PKHD1L1: variants seen among roughly 807,000 people sequenced by gnomAD.
PKHD1L1 encodes fibrocystin-L.
In PKHD1L1, 434 loss-of-function variants were observed where a neutral mutation model predicts 462.9. That is an observed-to-expected ratio of 0.94 (90% CI 0.87 to 1.02). The LOEUF (loss-of-function observed/expected upper bound fraction) is 1.02. PKHD1L1 is among the 50% of genes least tolerant of loss of function. The pLI, the probability that PKHD1L1 is intolerant of heterozygous loss-of-function variation, is 0.00. For missense variants in PKHD1L1, 5,202 were observed against 5,096.1 expected (o/e 1.02, Z -0.63); for synonymous variants, 1,781 against 1,750.0 (o/e 1.02, Z -0.44).
chr8:109,510,762 T>C lies in PKHD1L1; in HGVS notation c.11396-15T>C. On this transcript the variant is annotated splice_polypyrimidine_tract_variant and intron_variant, in intron 70 of 77. Transcript: ENST00000378402. ...ATGATATAGGAGTATGCACTTTCAT[T>C]TTGCATGGATTTAGGCCCACAGGAT... The C allele has an allele frequency of 6.2e-7, 1 of 1,607,498 alleles. No homozygotes were observed. Among genetic ancestry groups the C allele is most frequent in the Non-Finnish European group, 8.5e-7 (1 of 1,177,466 alleles).
Position 109,452,799 on chromosome 8 carries a change from CTTG to C in PKHD1L1, c.6595_6597del (p.Val2199del), listed in dbSNP as rs1244025973. 3.9e-6 allele frequency: 6 copies of C among 1,535,656 alleles called. No homozygotes were observed. The highest frequency in any genetic ancestry group is 1.4e-5 in the African/African-American group (1 of 71,840). On this transcript the variant is annotated inframe_deletion, in exon 43 of 78. Transcript: ENST00000378402. ...AAAATCTCCCCCAGAAGAAGGATCT[CTTG>C]TTGTTATTACAAAAGGACAGACCAT...
rs368232255 is a variant in PKHD1L1, at chr8:109,464,660, G to A, written c.7828G>A (p.Glu2610Lys). ...TTGTCAAAAAAGAGTTCCCCTTGGC[G>A]AATTTTTTAACAATACTGTCCATTC... ...NICQKRVPLG[E>K]FFNNTVHSQG... Residue 2610 changes from glutamate (E) to lysine (K), a missense_variant, in exon 49 of 78, where the codon GAA becomes AAA. Physicochemically the swap from Glu to Lys is moderately conservative, Grantham distance 56. Transcript: ENST00000378402. The A allele has an allele frequency of 2.4e-5, 39 of 1,612,898 alleles. No homozygotes were observed. The highest frequency in any genetic ancestry group is 2.7e-5 in the Non-Finnish European group (32 of 1,179,772).
chr8:109,451,260 T>A, intron 41 of PKHD1L1, 111 bp downstream of exon 41: 1 of 1,148,824 alleles, frequency 8.7e-7, no homozygotes, highest in East Asian at 2.7e-5. Flanking sequence ...AATGTGTACC[T>A]ATATGCTCGT....
intron 46 of PKHD1L1, among the ~76,000 whole-genome samples, chr8:109,458,351 T>G (rs1816931916): frequency 6.6e-6 from 1 of 152,104 alleles, no homozygotes; most frequent in African/African-American, 2.4e-5. Context: ...CATCTTCCTC[T>G]TTGGGCTCCA....
intron 12 of PKHD1L1, 24 bp downstream of exon 12, chr8:109,398,572 G>A (rs776619251): frequency 1.7e-6 from 2 of 1,204,126 alleles, no homozygotes; most frequent in South Asian, 2.9e-5. Context: ...AGGGACAATG[G>A]CCATTTCTAT....
Position 109,493,668 on chromosome 8 carries a change from G to T in PKHD1L1, c.10244G>T (p.Arg3415Ile). Reference sequence around the variant, plus strand: ...TTTTAATCATTGCACTAGATAAATAGAGGGACCAATACAGTTTTACAGAAT... The same window carrying T: ...TTTTAATCATTGCACTAGATAAATATAGGGACCAATACAGTTTTACAGAAT... ...TLWHAAIEIN[R>I]GTNTVLQNNV... Residue 3415 changes from arginine (R) to isoleucine (I), a missense_variant, in exon 63 of 78, where the codon AGA becomes ATA. Arg to Ile is a moderately conservative substitution (Grantham distance 97, BLOSUM62 -3). Transcript: ENST00000378402. 1 of 1,597,506 alleles carries T rather than the reference G, an allele frequency of 6.3e-7. No individual in the cohort carries two copies. Among genetic ancestry groups the T allele is most frequent in the East Asian group, 2.2e-5 (1 of 44,476 alleles).
In PKHD1L1 at chr8:109,454,866, G is replaced by A; in HGVS notation, c.6874+14G>A. The A allele has an allele frequency of 6.2e-7, 1 of 1,604,950 alleles. No homozygotes were observed. The highest frequency in any genetic ancestry group is 8.5e-7 in the Non-Finnish European group (1 of 1,175,220). The stretch of plus-strand genomic sequence containing the variant: ...TGGATCTGCACGGTACTGTGGCCAA[G>A]TGGCTAAGGGAGTTGGTAGAGGAAG... On this transcript the variant is annotated intron_variant, in intron 45 of 77. Transcript: ENST00000378402.
At chr8:109,453,860 T>C (rs1002777539) in intron 43 of PKHD1L1, among the ~76,000 whole-genome samples, 8 of 152,144 alleles carry the variant, frequency 5.3e-5, no homozygotes, top group Admixed American at 4.6e-4. Context: ...TACAACGAAT[T>C]TGCATAGCTG....
intron 23 of PKHD1L1, among the ~76,000 whole-genome samples, chr8:109,421,667 C>A (rs776750281): frequency 1.3e-5 from 2 of 152,098 alleles, no homozygotes; most frequent in African/African-American, 4.8e-5. Context: ...GCCTGTAGTC[C>A]CAGCTCCTTC....
intron 38 of PKHD1L1, among the ~76,000 whole-genome samples, chr8:109,445,928 C>T (rs1816113795): frequency 6.6e-6 from 1 of 152,026 alleles, no homozygotes; most frequent in Admixed American, 6.6e-5. Context: ...TGAAGATAGA[C>T]CAAAACTGAT....
chr8:109,518,748 G>T (rs1175018458), intron 73 of PKHD1L1, among the ~76,000 whole-genome samples: 3 of 152,158 alleles, frequency 2.0e-5, no homozygotes, highest in Non-Finnish European at 4.4e-5. Context: ...TTCAACAAAA[G>T]AATTTGATCT....
chr8:109,510,022 GA>G (rs1439534999), intron 70 of PKHD1L1, among the ~76,000 whole-genome samples: 1 of 152,082 alleles, frequency 6.6e-6, no homozygotes, highest in East Asian at 1.9e-4. Flanking sequence ...GATTCAGGTA[GA>G]AAAGCATTCA....
intron 59 of PKHD1L1, 79 bp downstream of exon 59, chr8:109,486,900 C>CTCACT (rs1265059194): frequency 5.3e-6 from 7 of 1,331,282 alleles, no homozygotes; most frequent in Admixed American, 4.7e-5. Flanking sequence ...TTACATAATT[C>CTCACT]TCACTTTTTT....
At chr8:109,414,143 G>GTGAC (rs1329205727) in intron 21 of PKHD1L1, among the ~76,000 whole-genome samples, 3 of 151,988 alleles carry the variant, frequency 2.0e-5, no homozygotes, top group Non-Finnish European at 4.4e-5. Flanking sequence ...TATGTCAGTT[G>GTGAC]TGACTGCATT....
intron 32 of PKHD1L1, 93 bp downstream of exon 32, chr8:109,439,185 G>A: frequency 8.5e-7 from 1 of 1,178,686 alleles, no homozygotes; most frequent in Non-Finnish European, 1.2e-6. Flanking sequence ...AGCTTTAGGT[G>A]TTAATTGTTC....
chr8:109,520,373 T>C (rs1820487413), intron 73 of PKHD1L1, among the ~76,000 whole-genome samples: 1 of 152,122 alleles, frequency 6.6e-6, no homozygotes, highest in South Asian at 2.1e-4. Context: ...GTCCAAAATT[T>C]ACCACACTAG....
chr8:109,438,812 A>T, intron 31 of PKHD1L1, 85 bp from the exon 32 acceptor site: 1 of 1,042,596 alleles, frequency 9.6e-7, no homozygotes, highest in Non-Finnish European at 1.4e-6. Flanking sequence ...AAGATGAGAG[A>T]TGAATTGATT....
chr8:109,366,457 G>A (rs1275582778), intron 2 of PKHD1L1, among the ~76,000 whole-genome samples: 2 of 152,196 alleles, frequency 1.3e-5, no homozygotes, highest in Non-Finnish European at 2.9e-5. Flanking sequence ...AGAGGAAGTG[G>A]AGGAGGGATA....
At chr8:109,406,198 C>A (rs1586444471) in intron 16 of PKHD1L1, 137 bp from the exon 17 acceptor site, 2 of 706,880 alleles carry the variant, frequency 2.8e-6, no homozygotes, top group East Asian at 3.2e-5. Context: ...AATACAATTT[C>A]TCTAAGTGAT....
Sources: allele counts gnomAD v4.1 joint callset (sites outside exome capture counted in the v4.1 genomes callset), GRCh38; gene constraint gnomAD v4.1.1; transcripts MANE v1.5; gene names NCBI Gene and HGNC (gene_info 2026-07-23, HGNC 2026-07-21).